Variants in TSPAN18 observed in about 807,000 individuals in gnomAD.
TSPAN18 encodes tetraspanin 18.
TSPAN18 carries 14 observed loss-of-function variants against 27.3 expected under a neutral mutation model. The observed-to-expected ratio is 0.51, with a 90% confidence interval of 0.34 to 0.80. TSPAN18 has a LOEUF of 0.80. Among genes scored for constraint, TSPAN18 ranks in the 30% least tolerant of loss-of-function variants. The pLI is 0.01. For missense variants in TSPAN18, 268 were observed against 323.9 expected, an observed-to-expected ratio of 0.83 and a Z score of 1.32; for synonymous variants, 143 against 136.5, an observed-to-expected ratio of 1.05 and a Z score of -0.33.
chr11:44,922,557 C>G (rs910101528), intron 8 of TSPAN18, among the ~76,000 whole-genome samples: 5 of 152,130 alleles, frequency 3.3e-5, no homozygotes, highest in African/African-American at 4.8e-5. Flanking sequence ...TGCTCTGTGG[C>G]CCCCTGGTCC....
chr11:44,915,653 G>C (rs972388462), intron 5 of TSPAN18, among the ~76,000 whole-genome samples: 1 of 152,200 alleles, frequency 6.6e-6, no homozygotes, highest in African/African-American at 2.4e-5. Context: ...TCAGAAGAGA[G>C]TGACAGAGCA....
At chr11:44,774,034 G>C (rs1855749446) in intron 2 of TSPAN18, among the ~76,000 whole-genome samples, 2 of 152,106 alleles carry the variant, frequency 1.3e-5, no homozygotes, top group Admixed American at 6.5e-5. Context: ...CCTTTCAGCA[G>C]TGTAGCCCAT....
At chr11:44,878,249 C>A (rs1858392596) in intron 3 of TSPAN18, among the ~76,000 whole-genome samples, 1 of 152,092 alleles carries the variant, frequency 6.6e-6, no homozygotes, top group Non-Finnish European at 1.5e-5. Context: ...GCGGACCTGG[C>A]TGGCCGGGCG....
intron 3 of TSPAN18, among the ~76,000 whole-genome samples, chr11:44,878,628 G>A (rs1858406540): frequency 6.6e-6 from 1 of 152,180 alleles, no homozygotes; most frequent in South Asian, 2.1e-4. Flanking sequence ...GGTTCACCCT[G>A]TGCATCCTAA....
intron 2 of TSPAN18, among the ~76,000 whole-genome samples, chr11:44,820,970 T>C (rs537595570): frequency 1.8e-4 from 27 of 152,260 alleles, no homozygotes; most frequent in South Asian, 1.5e-3. Flanking sequence ...GTACAGCCTG[T>C]AGAACAATGA....
chr11:44,847,085 G>A (rs1857501438), intron 2 of TSPAN18, among the ~76,000 whole-genome samples: 1 of 152,196 alleles, frequency 6.6e-6, no homozygotes, highest in African/African-American at 2.4e-5. Context: ...AGGGCTGTGT[G>A]GCTCCAAGCC....
chr11:44,880,527 T>A (rs1170874762), intron 3 of TSPAN18, among the ~76,000 whole-genome samples: 1 of 152,218 alleles, frequency 6.6e-6, no homozygotes, highest in Admixed American at 6.5e-5. Flanking sequence ...TCACCCAGTG[T>A]GAGCCCTTGG....
intron 4 of TSPAN18, among the ~76,000 whole-genome samples, chr11:44,906,729 AG>A (rs1214159444): frequency 3.3e-5 from 5 of 152,112 alleles, no homozygotes; most frequent in African/African-American, 9.7e-5. Context: ...AAAAAGGTGG[AG>A]GGGACCTAGG....
intron 2 of TSPAN18, among the ~76,000 whole-genome samples, chr11:44,834,864 G>A (rs1017727581): frequency 3.3e-5 from 5 of 152,172 alleles, no homozygotes; most frequent in Non-Finnish European, 7.3e-5. Flanking sequence ...CCCAGAAGAA[G>A]CCTAAGGGGG....
At position 44,908,831 on chromosome 11, in the gene TSPAN18, A is replaced by AAAGAAAGAAAGAG. The variant is rs1590671474; in HGVS notation, c.64-873_64-872insAGAAAGAAAGAGA. ...AGAAAGAAAGAAAGAAAGAAAGAAAAAGAAAAATGGAGCAGATATTTATTG... is the reference window on the plus strand; with the variant it reads ...AGAAAGAAAGAAAGAAAGAAAGAAAAAAGAAAGAAAGAGAGAAAAATGGAGCAGATATTTATTG... On this transcript the variant is annotated intron_variant, in intron 4 of 9. Transcript: ENST00000520358. Among the ~76,000 whole-genome samples, 50 of 96,238 alleles carry AAAGAAAGAAAGAG rather than the reference A, an allele frequency of 5.2e-4. 8 individuals are homozygous for AAAGAAAGAAAGAG. The highest frequency in any genetic ancestry group is 1.8e-3 in the African/African-American group (44 of 23,806). The allele number at this position is 96,238 out of a possible 152,430, so 63.1% of individuals were successfully genotyped here.
chr11:44,783,524 G>A (rs1005215356), intron 2 of TSPAN18, among the ~76,000 whole-genome samples: 7 of 151,512 alleles, frequency 4.6e-5, no homozygotes, highest in Non-Finnish European at 8.8e-5. Flanking sequence ...TCAGCCTCCC[G>A]AGTAGCTGGG....
At chr11:44,838,467 G>C (rs575335704) in intron 2 of TSPAN18, among the ~76,000 whole-genome samples, 18 of 152,334 alleles carry the variant, frequency 1.2e-4, no homozygotes, top group African/African-American at 4.3e-4. Context: ...TGGGGACACA[G>C]CCAAACCATA....
At chr11:44,767,048 T>C (rs1169001049) in intron 2 of TSPAN18, among the ~76,000 whole-genome samples, 4 of 152,160 alleles carry the variant, frequency 2.6e-5, no homozygotes, top group Admixed American at 2.6e-4. Context: ...AGTGCCAGGC[T>C]CTTGGGATGT....
chr11:44,808,482 C>G (rs1856647918), intron 2 of TSPAN18, among the ~76,000 whole-genome samples: 1 of 152,182 alleles, frequency 6.6e-6, no homozygotes, highest in Admixed American at 6.5e-5. Flanking sequence ...CTCATTTCCC[C>G]TGTGTTTCTA....
intron 1 of TSPAN18, among the ~76,000 whole-genome samples, chr11:44,735,429 T>A (rs575563506): frequency 1.3e-5 from 2 of 152,366 alleles, no homozygotes; most frequent in East Asian, 3.9e-4. Flanking sequence ...GAACATGCTC[T>A]GTCTGAGGGC....
chr11:44,747,820 G>A (rs1855115579), intron 1 of TSPAN18, among the ~76,000 whole-genome samples: 1 of 152,104 alleles, frequency 6.6e-6, no homozygotes, highest in South Asian at 2.1e-4. Flanking sequence ...GGAACTTCCA[G>A]TGGCCCAAAT....
chr11:44,905,430 A>C (rs1305312191), intron 3 of TSPAN18, among the ~76,000 whole-genome samples: 1 of 152,140 alleles, frequency 6.6e-6, no homozygotes, highest in Non-Finnish European at 1.5e-5. Context: ...GCTGTGGGAC[A>C]TCGGACATGT....
chr11:44,783,781 C>T (rs1855995386), intron 2 of TSPAN18, among the ~76,000 whole-genome samples: 1 of 152,214 alleles, frequency 6.6e-6, no homozygotes, highest in African/African-American at 2.4e-5. Context: ...CTCTGCCCAT[C>T]AATGTCTGTG....
At chr11:44,876,629 C>G (rs1293423944) in intron 3 of TSPAN18, among the ~76,000 whole-genome samples, 2 of 152,164 alleles carry the variant, frequency 1.3e-5, no homozygotes, top group Admixed American at 1.3e-4. Flanking sequence ...ACGGTAACAT[C>G]AGAGTATGGG....
Sources: gnomAD v4.1 joint callset for allele counts (sites outside exome capture counted in the v4.1 genomes callset) on GRCh38, gnomAD v4.1.1 for gene constraint, MANE v1.5 for transcripts, NCBI Gene and HGNC (gene_info 2026-07-23, HGNC 2026-07-21) for gene names.